Variants in GALNT17 observed in about 807,000 individuals in gnomAD.
The protein encoded by GALNT17 is UDP-GalNAc:polypeptide N-acetylgalactosaminyltransferase-like 3.
In GALNT17, 29 loss-of-function variants were observed where a neutral mutation model predicts 63.7. The observed-to-expected ratio is 0.46, with a 90% CI of 0.34 to 0.62. The LOEUF (loss-of-function observed/expected upper bound fraction) is 0.62. GALNT17 is among the 20% of genes least tolerant of loss of function. The probability of loss-of-function intolerance (pLI) is 0.01; values close to 1 mark genes in which losing one functional copy is unlikely to be tolerated. For synonymous variants in GALNT17, 305 were observed against 318.3 expected (o/e 0.96, Z 0.45); for missense variants, 603 against 799.6 (o/e 0.75, Z 2.97).
intron 1 of GALNT17, among the ~76,000 whole-genome samples, chr7:71,243,913 G>A (rs990923204): frequency 6.6e-6 from 1 of 152,160 alleles, no homozygotes; most frequent in Non-Finnish European, 1.5e-5. Context: ...AAGAGTTTGT[G>A]GAAGCCAGAT....
At chr7:71,298,730 GTGTGTGTGTA>G (rs924095368) in intron 1 of GALNT17, among the ~76,000 whole-genome samples, 7 of 151,486 alleles carry the variant, frequency 4.6e-5, no homozygotes, top group Non-Finnish European at 7.4e-5. Flanking sequence ...GTGTGTGTGT[GTGTGTGTGTA>G]TGTATGTGTG....
chr7:71,383,830 A>G (rs941345901), intron 2 of GALNT17, among the ~76,000 whole-genome samples: 14 of 152,224 alleles, frequency 9.2e-5, no homozygotes, highest in African/African-American at 2.9e-4. Context: ...CTGACTCCAC[A>G]TACTACATTT....
At chr7:71,475,109 C>A (rs762027451) in intron 5 of GALNT17, among the ~76,000 whole-genome samples, 1 of 152,186 alleles carries the variant, frequency 6.6e-6, no homozygotes, top group African/African-American at 2.4e-5. Context: ...TTTCAGACTT[C>A]TTGCCTCCAG....
intron 1 of GALNT17, among the ~76,000 whole-genome samples, chr7:71,294,199 A>G (rs1351209828): frequency 6.6e-6 from 1 of 151,990 alleles, no homozygotes; most frequent in Non-Finnish European, 1.5e-5. Flanking sequence ...ACTTTTTACA[A>G]TGTAGTTAGG....
chr7:71,696,725 G>T (rs1791551479), intron 9 of GALNT17, among the ~76,000 whole-genome samples: 1 of 152,122 alleles, frequency 6.6e-6, no homozygotes, highest in African/African-American at 2.4e-5. Context: ...AGCTCAGAGG[G>T]TTTTTTCCCA....
chr7:71,510,888 C>A (rs1366284813), intron 5 of GALNT17, among the ~76,000 whole-genome samples: 2 of 152,014 alleles, frequency 1.3e-5, no homozygotes, highest in African/African-American at 4.8e-5. Flanking sequence ...TTGGACCAGC[C>A]GAGGCTGGAT....
intron 1 of GALNT17, among the ~76,000 whole-genome samples, chr7:71,158,696 A>AC (rs1455862493): frequency 1.3e-5 from 2 of 149,516 alleles, no homozygotes; most frequent in African/African-American, 4.9e-5. Context: ...CCTACCTCAG[A>AC]CTCCCGAGTA....
chr7:71,144,029 C>T (rs980390319), intron 1 of GALNT17, among the ~76,000 whole-genome samples: 3 of 152,108 alleles, frequency 2.0e-5, no homozygotes, highest in African/African-American at 4.8e-5. Context: ...TGTGACTCCA[C>T]GATCACATCC....
chr7:71,609,744 A>G (rs563996548), intron 6 of GALNT17, among the ~76,000 whole-genome samples: 2 of 152,226 alleles, frequency 1.3e-5, no homozygotes, highest in East Asian at 3.9e-4. Flanking sequence ...GTGTGACTAT[A>G]TACTATGTAC....
chr7:71,287,320 G>A (rs1790893424), intron 1 of GALNT17, among the ~76,000 whole-genome samples: 1 of 151,890 alleles, frequency 6.6e-6, no homozygotes, highest in Admixed American at 6.6e-5. Flanking sequence ...AAACTCCTGG[G>A]CTCAAACAAT....
intron 2 of GALNT17, among the ~76,000 whole-genome samples, chr7:71,373,805 G>C (rs1042668789): frequency 6.6e-6 from 1 of 152,100 alleles, no homozygotes; most frequent in Non-Finnish European, 1.5e-5. Flanking sequence ...CCATGAAACC[G>C]GTCCCTGCTG....
intron 6 of GALNT17, among the ~76,000 whole-genome samples, chr7:71,650,936 G>A (rs1469076894): frequency 6.6e-6 from 1 of 152,288 alleles, no homozygotes; most frequent in Non-Finnish European, 1.5e-5. Flanking sequence ...CCCTGGCAGC[G>A]TTTAGCTTGG....
intron 9 of GALNT17, among the ~76,000 whole-genome samples, chr7:71,681,354 G>A (rs1169148042): frequency 6.6e-6 from 1 of 152,230 alleles, no homozygotes; most frequent in African/African-American, 2.4e-5. Context: ...AGTTCCAGCA[G>A]GGACTAAGAA....
At chr7:71,572,521 A>AC (rs1789463953) in intron 6 of GALNT17, among the ~76,000 whole-genome samples, 5 of 148,862 alleles carry the variant, frequency 3.4e-5, no homozygotes, top group Admixed American at 6.7e-5. Context: ...AAAAAAAAAA[A>AC]AAAAAAAAAC....
At chr7:71,225,426 T>C (rs1036115398) in intron 1 of GALNT17, among the ~76,000 whole-genome samples, 2 of 152,240 alleles carry the variant, frequency 1.3e-5, no homozygotes, top group African/African-American at 4.8e-5. Flanking sequence ...TGCTGCATAA[T>C]GGCGGCAGCG....
chr7:71,367,324 C>T lies in GALNT17; in HGVS notation c.423-20911C>T, dbSNP rs1447638672. On this transcript the variant is annotated intron_variant, in intron 2 of 10. Transcript: ENST00000333538. Reference sequence around the variant, plus strand: ...TGATGAAGGGTATGGGACCAAAAAACATATAGGTGGAAACCCCAAATCCCA... The same window carrying T: ...TGATGAAGGGTATGGGACCAAAAAATATATAGGTGGAAACCCCAAATCCCA... 2.6e-5 allele frequency among the ~76,000 whole-genome samples: 4 copies of T among 152,266 alleles called. No homozygotes were observed. In the East Asian group the frequency reaches 7.7e-4, roughly 29 times the overall value.
At chr7:71,142,760 G>A (rs969075366) in intron 1 of GALNT17, among the ~76,000 whole-genome samples, 4 of 152,112 alleles carry the variant, frequency 2.6e-5, no homozygotes, top group Admixed American at 1.3e-4. Flanking sequence ...GGCCAACATG[G>A]TGAAATTTTT....
At chr7:71,239,002 G>C (rs902653493) in intron 1 of GALNT17, among the ~76,000 whole-genome samples, 2 of 152,170 alleles carry the variant, frequency 1.3e-5, no homozygotes, top group Admixed American at 6.5e-5. Flanking sequence ...CAGCAACCGT[G>C]TGAGTGAATC....
chr7:71,251,269 G>A (rs1790193205), intron 1 of GALNT17, among the ~76,000 whole-genome samples: 1 of 151,912 alleles, frequency 6.6e-6, no homozygotes, highest in African/African-American at 2.4e-5. Context: ...GTCTAGTAGG[G>A]TGTTAAATAT....
Sources: allele counts gnomAD v4.1 joint callset (sites outside exome capture counted in the v4.1 genomes callset), GRCh38; gene constraint gnomAD v4.1.1; transcripts MANE v1.5; gene names NCBI Gene and HGNC (gene_info 2026-07-23, HGNC 2026-07-21).